The following CHD2 variants were observed in gnomAD, a reference collection of about 807,000 sequenced individuals.
CHD2 encodes the protein chromodomain helicase DNA binding protein 2.
Under a neutral mutation model 243.9 loss-of-function variants are expected in CHD2, and 28 were observed. That is an observed-to-expected ratio of 0.11 (90% CI 0.09 to 0.16). CHD2 has a LOEUF of 0.16. CHD2 is among the 10% of genes least tolerant of loss of function. The probability of loss-of-function intolerance (pLI) is 1.00; values close to 1 mark genes in which losing one functional copy is unlikely to be tolerated. For synonymous variants in CHD2, 775 were observed against 779.0 expected (o/e 0.99, Z 0.09); for missense variants, 1,386 against 2,209.8 (o/e 0.63, Z 7.47).
Position 92,984,314 on chromosome 15 carries a change from G to A in CHD2, c.3067-16G>A, listed in dbSNP as rs768858302. ...AGAAATAGGGAAATGTCAGACAATGGGTTGTCTGTTTTAAGGTTGCCAACT... is the reference window on the plus strand; with the variant it reads ...AGAAATAGGGAAATGTCAGACAATGAGTTGTCTGTTTTAAGGTTGCCAACT... On this transcript the variant is annotated splice_polypyrimidine_tract_variant and intron_variant, in intron 24 of 38. Coordinates refer to ENST00000394196, the MANE Select transcript of CHD2 (RefSeq NM_001271.4). 5.2e-6 allele frequency: 8 copies of A among 1,524,930 alleles called. No homozygotes were observed. In the South Asian group the frequency reaches 9.4e-5, roughly 18 times the overall value. The allele number at this position is 1,524,930 out of a possible 1,614,324, so 94.5% of individuals were successfully genotyped here.
intron 24 of CHD2, among the ~76,000 whole-genome samples, chr15:92,982,495 A>C (rs1248901663): frequency 2.6e-5 from 4 of 152,210 alleles, no homozygotes; most frequent in African/African-American, 9.6e-5. Context: ...TCAGTTGGCT[A>C]TCCCAAGGTG....
intron 20 of CHD2, among the ~76,000 whole-genome samples, chr15:92,976,163 G>A (rs1318203667): frequency 2.0e-5 from 3 of 151,946 alleles, no homozygotes; most frequent in East Asian, 3.9e-4. Flanking sequence ...AGTATGAGTC[G>A]AATGTTTCAT....
At chr15:92,927,831 A>G (rs2053091717) in intron 4 of CHD2, among the ~76,000 whole-genome samples, 1 of 152,216 alleles carries the variant, frequency 6.6e-6, no homozygotes, top group African/African-American at 2.4e-5. Flanking sequence ...AGATATAATA[A>G]AATGAGTTTC....
At chr15:92,934,477 T>C (rs1286952335) in intron 5 of CHD2, among the ~76,000 whole-genome samples, 1 of 152,240 alleles carries the variant, frequency 6.6e-6, no homozygotes, top group Non-Finnish European at 1.5e-5. Context: ...TTTCCTTTGA[T>C]AGACATTTTT....
chr15:93,005,232 G>C (rs2054305478), intron 34 of CHD2, among the ~76,000 whole-genome samples: 1 of 152,136 alleles, frequency 6.6e-6, no homozygotes, highest in Non-Finnish European at 1.5e-5. Context: ...CTGTGAGAAG[G>C]GAATTTGACC....
At position 92,907,002 on chromosome 15, in the gene CHD2, A is replaced by G. The variant is rs75468511; in HGVS notation, c.62+5703A>G. ...CTGAGTAACAAAACTTAGTCATCCAATGTCCAGGCTGGATTGTATTTTTAT... is the reference window on the plus strand; with the variant it reads ...CTGAGTAACAAAACTTAGTCATCCAGTGTCCAGGCTGGATTGTATTTTTAT... On this transcript the variant is annotated intron_variant, in intron 2 of 38. Transcript: ENST00000394196. 1.5e-3 allele frequency among the ~76,000 whole-genome samples: 221 copies of G among 152,278 alleles called. 5 individuals are homozygous for G. The East Asian group carries it at 0.032, about 22-fold the overall frequency.
chr15:92,984,650 A>G lies in CHD2; in HGVS notation c.3237+150A>G, dbSNP rs144743547. ...ATACTGTAGGAAACTTAACAAAGGAAAGTGGAGAAATCTGCAGAGCTCCTG... is the reference window on the plus strand; with the variant it reads ...ATACTGTAGGAAACTTAACAAAGGAGAGTGGAGAAATCTGCAGAGCTCCTG... On this transcript the variant is annotated intron_variant, in intron 25 of 38. Transcript: ENST00000394196. 4.3e-3 allele frequency: 2,832 copies of G among 661,420 alleles called. 119 individuals carry two copies. In the Admixed American group the frequency reaches 0.081, roughly 19 times the overall value. The allele number at this position is 661,420 out of a possible 1,614,324, so 41.0% of individuals were successfully genotyped here.
intron 2 of CHD2, among the ~76,000 whole-genome samples, chr15:92,921,883 T>C (rs2052962742): frequency 6.6e-6 from 1 of 152,208 alleles, no homozygotes; most frequent in Admixed American, 6.5e-5. Flanking sequence ...AGCTTTTAAG[T>C]GTTCCTATCA....
chr15:93,014,869 T>C lies in CHD2; in HGVS notation c.4866T>C (p.Asp1622=), dbSNP rs2141888326. 6.2e-7 allele frequency: 1 copy of C among 1,614,128 alleles called. No individual in the cohort carries two copies. Among genetic ancestry groups the C allele is most frequent in the East Asian group, 2.2e-5 (1 of 44,880 alleles). Residue 1622 remains aspartate (D), a synonymous_variant, in exon 37 of 39, where the codon GAT becomes GAC. Transcript: ENST00000394196. Reference sequence around the variant, plus strand: ...CACAGATGCATGGACACCCAAGAGATAACTACAATCACCCCAACAAGAGAC... The same window carrying C: ...CACAGATGCATGGACACCCAAGAGACAACTACAATCACCCCAACAAGAGAC... The part of the protein sequence containing the change: ...HGPQMHGHPR[D]NYNHPNKRHF...
intron 2 of CHD2, among the ~76,000 whole-genome samples, chr15:92,908,308 A>G (rs2052660169): frequency 6.6e-6 from 1 of 152,184 alleles, no homozygotes; most frequent in Non-Finnish European, 1.5e-5. Context: ...GCTTGCTTTC[A>G]GTGTTCAGTC....
chr15:92,966,603 A>C (rs1030386674), intron 16 of CHD2, among the ~76,000 whole-genome samples: 2 of 152,076 alleles, frequency 1.3e-5, no homozygotes, highest in African/African-American at 4.8e-5. Flanking sequence ...ATGTTGATTC[A>C]CTTAACAATA....
At position 93,008,573 on chromosome 15, in the gene CHD2, C is replaced by T. The variant is rs113928952; in HGVS notation, c.4414-572C>T. On this transcript the variant is annotated intron_variant, in intron 34 of 38. Transcript: ENST00000394196. The stretch of plus-strand genomic sequence containing the variant: ...CAGGTCTGTTTTGTCATTTCCCGTG[C>T]TGCCAATATTTTGTTGCCATTATCC... 2.0e-3 allele frequency among the ~76,000 whole-genome samples: 310 copies of T among 152,258 alleles called. 1 individual carries two copies. The highest frequency in any genetic ancestry group is 6.9e-3 in the African/African-American group (287 of 41,528).
In CHD2 at chr15:92,959,982, A is replaced by T. The variant is rs148669177; in HGVS notation, c.2000+3333A>T. Among the ~76,000 whole-genome samples, 8 of 152,356 alleles carry T rather than the reference A, an allele frequency of 5.3e-5. No homozygotes were observed. In the East Asian group the frequency reaches 1.5e-3, roughly 29 times the overall value. ...TATCAGTTAAAGCAAAATTATTAAT[A>T]TTGAGTCTTCTAATCCATAATCATG... On this transcript the variant is annotated intron_variant, in intron 16 of 38. Coordinates refer to ENST00000394196, the MANE Select transcript of CHD2 (RefSeq NM_001271.4).
chr15:93,002,270 A>G lies in CHD2; in HGVS notation c.4231A>G (p.Lys1411Glu). 6.2e-7 allele frequency: 1 copy of G among 1,602,490 alleles called. No homozygotes were observed. Among genetic ancestry groups the G allele is most frequent in the Non-Finnish European group, 8.5e-7 (1 of 1,174,738 alleles). The change falls in exon 33 of 39, where the codon AAA (lysine) becomes GAA (glutamate). Residue 1411 changes from lysine (K) to glutamate (E), a missense_variant. By Grantham distance (56) the Lys-to-Glu change is moderately conservative (BLOSUM62 1). Transcript: ENST00000394196. ...KEKQMSSRKDKEGDKERKKSK... is the reference protein window; with the variant it reads ...KEKQMSSRKDEEGDKERKKSK... ...GAAACAAATGAGTTCTAGGAAAGAC[A>G]AAGAAGGGGACAAGGAAAGAAAGAA...
Position 92,998,440 on chromosome 15 carries a change from C to G in CHD2, c.3886-59C>G. The G allele has an allele frequency of 6.2e-7, 1 of 1,607,284 alleles. No homozygotes were observed. Among genetic ancestry groups the G allele is most frequent in the Non-Finnish European group, 8.5e-7 (1 of 1,175,862 alleles). On this transcript the variant is annotated intron_variant, in intron 30 of 38. Transcript: ENST00000394196. The surrounding 1 kb of genome is among the most constrained non-coding windows in gnomAD (Gnocchi z 5.1). ...TCAGTTTTTGTTGTCTCTGTTTATC[C>G]TGATCCACTAACCAGGATGTGGGTG...
intron 13 of CHD2, chr15:92,949,366 A>G: frequency 2.1e-6 from 1 of 466,966 alleles, no homozygotes; most frequent in East Asian, 6.5e-5. Flanking sequence ...ATGAGTGTAT[A>G]TAGCAAGTTA....
chr15:92,944,648 C>T (rs1010948818), intron 10 of CHD2, 133 bp downstream of exon 10: 2 of 409,302 alleles, frequency 4.9e-6, no homozygotes, highest in African/African-American at 4.0e-5. Flanking sequence ...AAAGGAAAAG[C>T]TAAGAAGATT....
chr15:92,905,090 C>A, intron 2 of CHD2: 1 of 1,246,666 alleles, frequency 8.0e-7, no homozygotes. Flanking sequence ...CGTTCAATAA[C>A]ATTAAAAAGT....
intron 27 of CHD2, among the ~76,000 whole-genome samples, chr15:92,992,323 C>T (rs185977634): frequency 4.6e-5 from 7 of 152,180 alleles, no homozygotes; most frequent in South Asian, 4.2e-4. Context: ...GGCCAGTTAC[C>T]GTAAAAGCCA....
Sources: allele counts gnomAD v4.1 joint callset (sites outside exome capture counted in the v4.1 genomes callset), GRCh38; gene constraint gnomAD v4.1.1; non-coding constraint Gnocchi (gnomAD v3.1); transcripts MANE v1.5; gene names NCBI Gene and HGNC (gene_info 2026-07-23, HGNC 2026-07-21).